NHLH2: variants seen among roughly 807,000 people sequenced by gnomAD.
NHLH2 encodes the protein helix-loop-helix protein 2.
A neutral mutation model predicts 7.3 loss-of-function variants in NHLH2; 7 were observed. That is an observed-to-expected ratio of 0.96 (90% confidence interval 0.55 to 1.81). NHLH2 has a LOEUF of 1.81. Among genes scored for constraint, NHLH2 ranks in the 40% most tolerant of loss-of-function variants. The probability of loss-of-function intolerance (pLI) is 0.00; values close to 1 mark genes in which losing one functional copy is unlikely to be tolerated. For synonymous variants in NHLH2, 93 were observed against 91.6 expected (o/e 1.01, Z -0.09); for missense variants, 155 against 194.0 (o/e 0.80, Z 1.19).
downstream of NHLH2, among the ~76,000 whole-genome samples, chr1:115,836,012 T>C (rs2811567): frequency 0.017 from 2,551 of 152,302 alleles, 79 homozygotes; most frequent in African/African-American, 0.058. Context: ...CTATGTGTTT[T>C]AGTGTAGGTC....
chr1:115,834,227 T>C (rs1421471621), downstream of NHLH2, among the ~76,000 whole-genome samples: 1 of 152,060 alleles, frequency 6.6e-6, no homozygotes, highest in East Asian at 1.9e-4. Flanking sequence ...TTCCGGGCAG[T>C]GGTAGAAGTG....
chr1:115,838,315 C>A lies in NHLH2; in HGVS notation c.58G>T (p.Asp20Tyr), dbSNP rs754971284. The change falls in exon 3 of 3, where the codon GAT becomes TAT. Residue 20 changes from aspartate (D) to tyrosine (Y), a missense_variant. By Grantham distance (160) the Asp-to-Tyr change is radical. Transcript: ENST00000320238. ...TCCGTGCCGCCCAGGGACTCCGGATCCGAGTGCGCCGAGCTGGGATGGTCC... is the reference window on the plus strand; with the variant it reads ...TCCGTGCCGCCCAGGGACTCCGGATACGAGTGCGCCGAGCTGGGATGGTCC... ...DSDHPSSAHS[D>Y]PESLGGTDTK... is the part of the protein sequence containing the mutation. 1 of 1,609,472 alleles carries A rather than the reference C, an allele frequency of 6.2e-7. No individual in the cohort carries two copies. The highest frequency in any genetic ancestry group is 2.2e-5 in the East Asian group (1 of 44,766).
chr1:115,837,933 G>C lies in NHLH2; in HGVS notation c.*32C>G, dbSNP rs758627952. The C allele has an allele frequency of 4.4e-6, 7 of 1,580,644 alleles. No individual in the cohort carries two copies. The highest frequency in any genetic ancestry group is 6.0e-6 in the Non-Finnish European group (7 of 1,165,840). Reference sequence around the variant, plus strand: ...GGATCCGTAGCGTTTCGCGGACGCCGGGACAGGCGGCCCCCCGCGGCGCAC... The same window carrying C: ...GGATCCGTAGCGTTTCGCGGACGCCCGGACAGGCGGCCCCCCGCGGCGCAC... On this transcript the variant is annotated 3_prime_UTR_variant, in exon 3 of 3. Coordinates refer to ENST00000320238, the MANE Select transcript of NHLH2 (RefSeq NM_005599.3).
Position 115,837,930 on chromosome 1 carries a change from G to T in NHLH2, c.*35C>A. 1 of 1,577,454 alleles carries T rather than the reference G, an allele frequency of 6.3e-7. No individual in the cohort carries two copies. Among genetic ancestry groups the T allele is most frequent in the Non-Finnish European group, 8.6e-7 (1 of 1,164,180 alleles). The stretch of plus-strand genomic sequence containing the variant: ...TCCGGATCCGTAGCGTTTCGCGGAC[G>T]CCGGGACAGGCGGCCCCCCGCGGCG... On this transcript the variant is annotated 3_prime_UTR_variant, in exon 3 of 3. Coordinates refer to ENST00000320238, the MANE Select transcript of NHLH2 (RefSeq NM_005599.3).
downstream of NHLH2, among the ~76,000 whole-genome samples, chr1:115,833,876 GA>G (rs577090360): frequency 1.2e-4 from 18 of 152,294 alleles, no homozygotes; most frequent in East Asian, 3.5e-3. Flanking sequence ...ACATCAGCAA[GA>G]AAACTGGTAG....
chr1:115,836,239 A>T (rs1175585882), downstream of NHLH2: 1 of 152,206 alleles, frequency 6.6e-6, no homozygotes, highest in African/African-American at 2.4e-5. Context: ...CAAATATTTC[A>T]CTACATAAAT....
rs1650920565 is a variant in NHLH2, at chr1:115,837,817, C to T, written c.*148G>A. 1.2e-6 allele frequency: 1 copy of T among 843,770 alleles called. No homozygotes were observed. The highest frequency in any genetic ancestry group is 1.8e-5 in the African/African-American group (1 of 54,432). 52.3% of individuals were successfully genotyped at this position (843,770 alleles called of 1,614,324 possible). Reference sequence around the variant, plus strand: ...TCGTCGCCCTGCTGACCAGAGAGAACAGGTAGCGAGCTTCTTCCCCGGCCG... The same window carrying T: ...TCGTCGCCCTGCTGACCAGAGAGAATAGGTAGCGAGCTTCTTCCCCGGCCG... On this transcript the variant is annotated 3_prime_UTR_variant, in exon 3 of 3. Transcript: ENST00000320238.
chr1:115,837,913 C>T lies in NHLH2; in HGVS notation c.*52G>A, dbSNP rs534823396. 78 of 1,559,646 alleles carry T rather than the reference C, an allele frequency of 5.0e-5. No individual in the cohort carries two copies. In the African/African-American group the frequency reaches 9.3e-4, roughly 19 times the overall value. ...CCGAGCGACGGCGCCCGTCCGGATC[C>T]GTAGCGTTTCGCGGACGCCGGGACA... On this transcript the variant is annotated 3_prime_UTR_variant, in exon 3 of 3. Coordinates refer to ENST00000320238, the MANE Select transcript of NHLH2 (RefSeq NM_005599.3).
At chr1:115,839,670 C>A in intron 2 of NHLH2, 1 of 166,732 alleles carries the variant, frequency 6.0e-6, no homozygotes. Context: ...AGGCTGAGAA[C>A]TCGGGGCCCC....
At chr1:115,833,011 G>A (rs148691794), downstream of NHLH2, among the ~76,000 whole-genome samples, 58 of 152,342 alleles carry the variant, frequency 3.8e-4, 1 homozygote, top group African/African-American at 1.4e-3. Flanking sequence ...AATGGCACTA[G>A]TGAGGGTCTG....
chr1:115,840,736 A>C (rs1285753122), intron 1 of NHLH2, 192 bp from the exon 2 acceptor site: 1 of 127,660 alleles, frequency 7.8e-6, no homozygotes, highest in Non-Finnish European at 1.7e-5. Flanking sequence ...GATCTTGCTC[A>C]GAAGTGATTT....
chr1:115,832,895 G>A (rs753302533), downstream of NHLH2, among the ~76,000 whole-genome samples: 1 of 152,156 alleles, frequency 6.6e-6, no homozygotes, highest in Non-Finnish European at 1.5e-5. Flanking sequence ...GAGTAAAGGG[G>A]AAGTAAATAC....
rs1268504712 is a variant in NHLH2 at position 115,840,551 on chromosome 1, A to G, written c.-337-7T>C. ...TTTTTCCTCTTCTAGGTCTCTAAAA[A>G]TAACAAAAGAGATGCAGAGATAAAC... is the stretch of plus-strand genomic sequence containing the variant. On this transcript the variant is annotated splice_polypyrimidine_tract_variant and splice_region_variant and intron_variant, in intron 1 of 2. Coordinates refer to ENST00000320238, the MANE Select transcript of NHLH2 (RefSeq NM_005599.3). 2 of 167,080 alleles carry G rather than the reference A, an allele frequency of 1.2e-5. No homozygotes were observed. Among genetic ancestry groups the G allele is most frequent in the Non-Finnish European group, 2.9e-5 (2 of 68,128 alleles). 10.3% of individuals were successfully genotyped at this position (167,080 alleles called of 1,614,324 possible). A position where few individuals can be genotyped will look rare whatever the true frequency, so the allele number is the denominator to read the frequency against.
chr1:115,837,311 G>A lies in NHLH2; in HGVS notation c.*654C>T, dbSNP rs1446556461. On this transcript the variant is annotated 3_prime_UTR_variant, in exon 3 of 3. Coordinates refer to ENST00000320238, the MANE Select transcript of NHLH2 (RefSeq NM_005599.3). ...TGTCTACCTTGGTGTCATATCTTGG[G>A]GATAAAATATCACCAAGCTCAGATC... 2 of 152,480 alleles carry A rather than the reference G, an allele frequency of 1.3e-5. No individual in the cohort carries two copies. 9.4% of individuals were successfully genotyped at this position (152,480 alleles called of 1,614,324 possible). A position where few individuals can be genotyped will look rare whatever the true frequency, so the allele number is the denominator to read the frequency against.
rs1233962115 is a variant in NHLH2, at chr1:115,836,549, TG to T, written c.*1415del. ...GACTAAAATCTTTGGATAGCAGATG[TG>T]GTTTTTTTCCCTTGTCTCTAAAATA... On this transcript the variant is annotated 3_prime_UTR_variant, in exon 3 of 3. Coordinates refer to ENST00000320238, the MANE Select transcript of NHLH2 (RefSeq NM_005599.3). The T allele has an allele frequency of 2.6e-5, 4 of 152,596 alleles. No individual in the cohort carries two copies. Among genetic ancestry groups the T allele is most frequent in the Non-Finnish European group, 5.9e-5 (4 of 68,006 alleles). 9.5% of individuals were successfully genotyped at this position (152,596 alleles called of 1,614,324 possible).
At position 115,837,810 on chromosome 1, in the gene NHLH2, G is replaced by T; in HGVS notation, c.*155C>A. ...CCTTCCCTCGTCGCCCTGCTGACCA[G>T]AGAGAACAGGTAGCGAGCTTCTTCC... is the stretch of plus-strand genomic sequence containing the variant. On this transcript the variant is annotated 3_prime_UTR_variant, in exon 3 of 3. Coordinates refer to ENST00000320238, the MANE Select transcript of NHLH2 (RefSeq NM_005599.3). 1 of 805,760 alleles carries T rather than the reference G, an allele frequency of 1.2e-6. No homozygotes were observed. Among genetic ancestry groups the T allele is most frequent in the South Asian group, 1.9e-5 (1 of 51,784 alleles). The allele number at this position is 805,760 out of a possible 1,614,324, so 49.9% of individuals were successfully genotyped here.
chr1:115,838,311 G>T lies in NHLH2; in HGVS notation c.62C>A (p.Pro21Gln). 1 of 1,609,432 alleles carries T rather than the reference G, an allele frequency of 6.2e-7. No homozygotes were observed. The highest frequency in any genetic ancestry group is 1.1e-5 in the South Asian group (1 of 90,804). ...SDHPSSAHSDPESLGGTDTKV... is the reference protein window; with the variant it reads ...SDHPSSAHSDQESLGGTDTKV... Reference sequence around the variant, plus strand: ...GGTGTCCGTGCCGCCCAGGGACTCCGGATCCGAGTGCGCCGAGCTGGGATG... The same window carrying T: ...GGTGTCCGTGCCGCCCAGGGACTCCTGATCCGAGTGCGCCGAGCTGGGATG... Residue 21 changes from proline (P) to glutamine (Q), a missense_variant, in exon 3 of 3, where the codon CCG (proline) becomes CAG (glutamine). By Grantham distance (76) the Pro-to-Gln change is moderately conservative. This residue lies in a region of NHLH2 where 91 missense variants were observed against 86.6 expected (regional missense o/e 1.05). Coordinates refer to ENST00000320238, the MANE Select transcript of NHLH2 (RefSeq NM_005599.3).
At chr1:115,833,485 G>GA (rs1650797653), downstream of NHLH2, among the ~76,000 whole-genome samples, 1 of 152,164 alleles carries the variant, frequency 6.6e-6, no homozygotes, top group African/African-American at 2.4e-5. Flanking sequence ...CACCAAGGGG[G>GA]GTGGTGTGTG....
chr1:115,840,825 T>G (rs549660569), intron 1 of NHLH2, 123 bp downstream of exon 1: 1 of 165,638 alleles, frequency 6.0e-6, no homozygotes, highest in African/African-American at 2.4e-5. Context: ...AACTAGGAGC[T>G]AAGGTTGCCT....
Sources: gnomAD v4.1 joint callset for allele counts (sites outside exome capture counted in the v4.1 genomes callset) on GRCh38, gnomAD v4.1.1 for gene constraint, gnomAD v4.1.1 regional missense constraint, MANE v1.5 for transcripts, NCBI Gene and HGNC (gene_info 2026-07-23, HGNC 2026-07-21) for gene names.